The following NREP variants were observed in gnomAD, a reference collection of about 807,000 sequenced individuals.
NREP encodes the protein neuronal regeneration related protein, also known as neuronal regeneration-related protein.
Under a neutral mutation model 8.6 loss-of-function variants are expected in NREP, and 5 were observed. That is an observed-to-expected ratio of 0.58 (90% CI 0.30 to 1.22). NREP has a LOEUF of 1.22. Ranked by LOEUF, NREP falls within the 50% of genes most tolerant of loss-of-function variation. NREP has a pLI of 0.07. For missense variants in NREP, 86 were observed against 82.5 expected, an observed-to-expected ratio of 1.04 and a Z score of -0.17; for synonymous variants, 27 against 28.0, an observed-to-expected ratio of 0.96 and a Z score of 0.11.
rs73787714 is a variant in NREP, at chr5:111,890,498, C to A, written c.135+84776G>T. ...GGAGACTCTGTGTGTGGCCTACAAACCCACATTTCCCCTATGCACTGCCCT... is the reference window on the plus strand; with the variant it reads ...GGAGACTCTGTGTGTGGCCTACAAAACCACATTTCCCCTATGCACTGCCCT... On this transcript the variant is annotated intron_variant, in intron 2 of 3. Coordinates refer to the NREP transcript ENST00000395634. Among the ~76,000 whole-genome samples, 1,252 of 152,324 alleles carry A rather than the reference C, an allele frequency of 8.2e-3. 10 individuals are homozygous for A. Among genetic ancestry groups the A allele is most frequent in the South Asian group, 0.026 (127 of 4,828 alleles).
chr5:111,855,882 A>G (rs1299011408), intron 2 of NREP, among the ~76,000 whole-genome samples: 1 of 152,200 alleles, frequency 6.6e-6, no homozygotes, highest in African/African-American at 2.4e-5. Context: ...GGGGAAAAAA[A>G]AGATGAAAGA....
At chr5:111,765,594 G>A (rs1751062159) in intron 2 of NREP, among the ~76,000 whole-genome samples, 1 of 152,220 alleles carries the variant, frequency 6.6e-6, no homozygotes, top group Non-Finnish European at 1.5e-5. Flanking sequence ...TTAACACAGT[G>A]TAAGCCGCGG....
intron 2 of NREP, among the ~76,000 whole-genome samples, chr5:111,876,276 CT>C: frequency 6.6e-6 from 1 of 152,264 alleles, no homozygotes; most frequent in South Asian, 2.1e-4. Flanking sequence ...ATTTCTAGGG[CT>C]GCTTTTGTTA....
chr5:111,775,035 G>A (rs963129739), intron 2 of NREP, among the ~76,000 whole-genome samples: 3 of 152,134 alleles, frequency 2.0e-5, no homozygotes, highest in Admixed American at 2.0e-4. Flanking sequence ...AAGAATCACA[G>A]TAATAGTTTG....
intron 2 of NREP, among the ~76,000 whole-genome samples, chr5:111,953,227 T>C (rs796842524): frequency 2.0e-5 from 3 of 152,246 alleles, no homozygotes; most frequent in African/African-American, 7.2e-5. Context: ...TAGGAAGGCA[T>C]AGGCTCAAAG....
intron 2 of NREP, among the ~76,000 whole-genome samples, chr5:111,742,958 C>A (rs1418094323): frequency 6.6e-6 from 1 of 152,142 alleles, no homozygotes; most frequent in Non-Finnish European, 1.5e-5. Flanking sequence ...CGGAGCCAAA[C>A]TGTGGACTGG....
intron 2 of NREP, among the ~76,000 whole-genome samples, chr5:111,736,966 T>G (rs1340417857): frequency 6.6e-6 from 1 of 152,034 alleles, no homozygotes; most frequent in African/African-American, 2.4e-5. Flanking sequence ...CTACCACCAC[T>G]CCCTCAAAAT....
intron 2 of NREP, among the ~76,000 whole-genome samples, chr5:111,910,006 T>A (rs1754870005): frequency 6.6e-6 from 1 of 152,110 alleles, no homozygotes; most frequent in African/African-American, 2.4e-5. Context: ...AAAGACTGAC[T>A]TGATTAGTAA....
intron 2 of NREP, among the ~76,000 whole-genome samples, chr5:111,922,727 C>T (rs1755279971): frequency 6.6e-6 from 1 of 152,148 alleles, no homozygotes; most frequent in East Asian, 1.9e-4. Flanking sequence ...TCTTAAGGAC[C>T]TTACACTGGT....
intron 2 of NREP, among the ~76,000 whole-genome samples, chr5:111,964,888 A>T (rs1367396374): frequency 3.6e-5 from 5 of 138,894 alleles, no homozygotes; most frequent in Non-Finnish European, 6.0e-5. Context: ...AAAAAAAAAA[A>T]AAAAAAAGAA....
At chr5:111,853,991 C>G (rs2112471951) in intron 2 of NREP, among the ~76,000 whole-genome samples, 1 of 152,182 alleles carries the variant, frequency 6.6e-6, no homozygotes, top group East Asian at 1.9e-4. Context: ...ATCACATTTT[C>G]AGTGCCCTTG....
chr5:111,824,741 T>C (rs947411519), intron 2 of NREP, among the ~76,000 whole-genome samples: 3 of 152,216 alleles, frequency 2.0e-5, no homozygotes, highest in Admixed American at 6.5e-5. Context: ...CAAAGGTGTA[T>C]AGAATTCCAT....
intron 2 of NREP, among the ~76,000 whole-genome samples, chr5:111,970,596 C>T (rs570651110): frequency 4.1e-4 from 62 of 152,040 alleles, no homozygotes; most frequent in Non-Finnish European, 4.1e-4. Flanking sequence ...GAGGCTGAGG[C>T]GGGTGGATCA....
chr5:111,907,886 T>C (rs1754816401), intron 2 of NREP, among the ~76,000 whole-genome samples: 1 of 152,118 alleles, frequency 6.6e-6, no homozygotes. Flanking sequence ...GAATTATTAC[T>C]ATTTTTTTTA....
At chr5:111,860,071 A>C (rs1318818306) in intron 2 of NREP, among the ~76,000 whole-genome samples, 1 of 152,182 alleles carries the variant, frequency 6.6e-6, no homozygotes, top group Non-Finnish European at 1.5e-5. Flanking sequence ...TGTTGTAATG[A>C]AATCCTTCTA....
intron 2 of NREP, among the ~76,000 whole-genome samples, chr5:111,831,629 C>T (rs879895784): frequency 1.3e-5 from 2 of 152,228 alleles, no homozygotes; most frequent in Non-Finnish European, 2.9e-5. Context: ...ACAGTTTGTT[C>T]ACTGTAGGTG....
chr5:111,769,725 G>C (rs1051023330), intron 2 of NREP, among the ~76,000 whole-genome samples: 2 of 152,176 alleles, frequency 1.3e-5, no homozygotes, highest in African/African-American at 2.4e-5. Context: ...GTCTTACTAT[G>C]GTGGAGCAGG....
intron 2 of NREP, among the ~76,000 whole-genome samples, chr5:111,936,533 T>A (rs542345758): frequency 6.6e-6 from 1 of 152,184 alleles, no homozygotes; most frequent in East Asian, 1.9e-4. Context: ...ACAGGGCCCA[T>A]CCTATCCCAG....
chr5:111,847,794 C>T (rs1753218493), intron 2 of NREP, among the ~76,000 whole-genome samples: 1 of 152,182 alleles, frequency 6.6e-6, no homozygotes, highest in South Asian at 2.1e-4. Flanking sequence ...ACAAGACACA[C>T]AGTTAACTAT....
Sources: gnomAD v4.1 joint callset for allele counts (sites outside exome capture counted in the v4.1 genomes callset) on GRCh38, gnomAD v4.1.1 for gene constraint, MANE v1.5 for transcripts, NCBI Gene and HGNC (gene_info 2026-07-23, HGNC 2026-07-21) for gene names.